Variants in SDF2 observed in about 807,000 individuals in gnomAD.
The protein encoded by SDF2 is stromal cell derived factor 2, also known as stromal cell-derived factor 2.
In SDF2, 12 loss-of-function variants were observed where a neutral mutation model predicts 20.5. That is an observed-to-expected ratio of 0.58 (90% CI 0.37 to 0.95). SDF2 has a LOEUF of 0.95. Among genes scored for constraint, SDF2 ranks in the 40% least tolerant of loss-of-function variants. The pLI is 0.01. For synonymous variants in SDF2, 100 were observed against 101.0 expected (o/e 0.99, Z 0.06); for missense variants, 238 against 263.1 (o/e 0.90, Z 0.66).
Position 28,649,050 on chromosome 17 carries a change from T to C in SDF2, c.575A>G (p.Glu192Gly). The change falls in exon 3 of 3, where the codon GAA becomes GGA. Residue 192 changes from glutamate to glycine, a missense_variant. By Grantham distance (98) the Glu-to-Gly change is moderately conservative (BLOSUM62 -2). Transcript: ENST00000247020. ...CTCACTGGGCTTCATGAAGATGCCTTCCATGGCTTTCCAGTAGTTGTTCTG... is the reference window on the plus strand; with the variant it reads ...CTCACTGGGCTTCATGAAGATGCCTCCCATGGCTTTCCAGTAGTTGTTCTG... ...PSQNNYWKAMEGIFMKPSELL... is the reference protein window; with the variant it reads ...PSQNNYWKAMGGIFMKPSELL... The C allele has an allele frequency of 6.2e-7, 1 of 1,614,254 alleles. No homozygotes were observed. The highest frequency in any genetic ancestry group is 8.5e-7 in the Non-Finnish European group (1 of 1,180,044).
chr17:28,648,914 G>C lies in SDF2; in HGVS notation c.*75C>G, dbSNP rs2071887799. The stretch of plus-strand genomic sequence containing the variant: ...ATGGCCACTGCCCAAGGAACTTGTG[G>C]CAGGGATCCCAAGGTGAGGCAGCAA... On this transcript the variant is annotated 3_prime_UTR_variant, in exon 3 of 3. Coordinates refer to ENST00000247020, the MANE Select transcript of SDF2 (RefSeq NM_006923.4). The C allele has an allele frequency of 6.7e-7, 1 of 1,484,694 alleles. No homozygotes were observed. Among genetic ancestry groups the C allele is most frequent in the Non-Finnish European group, 9.3e-7 (1 of 1,079,388 alleles). 92.0% of individuals were successfully genotyped at this position (1,484,694 alleles called of 1,614,324 possible). A position where few individuals can be genotyped will look rare whatever the true frequency, so the allele number is the denominator to read the frequency against.
At position 28,656,512 on chromosome 17, in the gene SDF2, C is replaced by T. The variant is rs146939830; in HGVS notation, c.152-1029G>A. ...CTGAGGTGGGAGAATCGCTTGAACC[C>T]GGGAGGTGGAGGTTGCAATGAGCCA... On this transcript the variant is annotated intron_variant, in intron 1 of 2. Transcript: ENST00000247020. Among the ~76,000 whole-genome samples, 975 of 151,968 alleles carry T rather than the reference C, an allele frequency of 6.4e-3. 9 individuals carry two copies. The highest frequency in any genetic ancestry group is 0.022 in the African/African-American group (917 of 41,440).
At chr17:28,655,621 G>C (rs2071955098) in intron 1 of SDF2, 138 bp from the exon 2 acceptor site, 3 of 741,178 alleles carry the variant, frequency 4.0e-6, no homozygotes, top group Non-Finnish European at 6.9e-6. Flanking sequence ...TGCTGGAGGT[G>C]TAATGGATAT....
At chr17:28,654,173 G>A (rs972618590) in intron 2 of SDF2, among the ~76,000 whole-genome samples, 3 of 152,038 alleles carry the variant, frequency 2.0e-5, no homozygotes, top group Admixed American at 2.0e-4. Flanking sequence ...AATTAGCCAG[G>A]CATGGTGGCG....
intron 2 of SDF2, among the ~76,000 whole-genome samples, chr17:28,654,120 AG>A (rs2071935833): frequency 6.6e-6 from 1 of 151,724 alleles, no homozygotes. Context: ...AGACCAGCCT[AG>A]GCAACATGGC....
At chr17:28,659,917 C>T (rs1266367901) in intron 1 of SDF2, among the ~76,000 whole-genome samples, 1 of 152,192 alleles carries the variant, frequency 6.6e-6, no homozygotes, top group Non-Finnish European at 1.5e-5. Flanking sequence ...TGTAGTGAGC[C>T]AAGATCACAC....
Position 28,655,216 on chromosome 17 carries a change from A to G in SDF2, c.348+71T>C, listed in dbSNP as rs569302778. 7.1e-6 allele frequency: 10 copies of G among 1,414,008 alleles called. No homozygotes were observed. The African/African-American group carries it at 8.5e-5, about 12-fold the overall frequency. The allele number at this position is 1,414,008 out of a possible 1,614,324, so 87.6% of individuals were successfully genotyped here. The stretch of plus-strand genomic sequence containing the variant: ...TCTACACCTAGAAAAGAAACATTTA[A>G]GAACCAAGAGATCAAACAAGCACCC... On this transcript the variant is annotated intron_variant, in intron 2 of 2. Transcript: ENST00000247020.
Position 28,649,101 on chromosome 17 carries a change from T to A in SDF2, c.524A>T (p.Glu175Val). 1 of 1,614,220 alleles carries A rather than the reference T, an allele frequency of 6.2e-7. No homozygotes were observed. The highest frequency in any genetic ancestry group is 8.5e-7 in the Non-Finnish European group (1 of 1,180,036). The change falls in exon 3 of 3, where the codon GAG (glutamate) becomes GTG (valine). Residue 175 changes from glutamate (E) to valine (V), a missense_variant. Glu to Val is a moderately radical substitution (Grantham distance 121). Coordinates refer to ENST00000247020, the MANE Select transcript of SDF2 (RefSeq NM_006923.4). The stretch of plus-strand genomic sequence containing the variant: ...ACTTGGCTGGGCCATGCCATGCACC[T>A]CTTTTTGCCCACTGATAGGTCGACC... The part of the protein sequence containing the change: ...QYGRPISGQK[E>V]VHGMAQPSQN...
chr17:28,653,766 C>G (rs578250196), intron 2 of SDF2, among the ~76,000 whole-genome samples: 1 of 151,870 alleles, frequency 6.6e-6, no homozygotes, highest in Non-Finnish European at 1.5e-5. Flanking sequence ...GAGCTGAGAT[C>G]GCGCCATAGC....
upstream of SDF2, chr17:28,662,128 A>C (rs924482978): frequency 2.5e-6 from 1 of 404,524 alleles, no homozygotes; most frequent in African/African-American, 2.0e-5. Context: ...ACGAGACGAA[A>C]GCTTCCGAGA....
chr17:28,661,906 C>G lies in SDF2; in HGVS notation c.-30G>C, dbSNP rs1302236592. On this transcript the variant is annotated 5_prime_UTR_variant, in exon 1 of 3. Coordinates refer to ENST00000247020, the MANE Select transcript of SDF2 (RefSeq NM_006923.4). ...ACTGTATCGCGGAGCCCCAAATCTT[C>G]GAAGAAAACTCGGCCCCTCCCCGGA... 1.3e-6 allele frequency: 2 copies of G among 1,581,064 alleles called. No homozygotes were observed. Among genetic ancestry groups the G allele is most frequent in the Non-Finnish European group, 1.7e-6 (2 of 1,155,642 alleles).
At chr17:28,652,167 G>A (rs541404758) in intron 2 of SDF2, among the ~76,000 whole-genome samples, 2 of 150,556 alleles carry the variant, frequency 1.3e-5, no homozygotes, top group African/African-American at 4.9e-5. Context: ...GAATAACACA[G>A]CAAGAACCCA....
chr17:28,661,173 A>C (rs772391036), intron 1 of SDF2: 8 of 455,198 alleles, frequency 1.8e-5, no homozygotes, highest in Non-Finnish European at 3.5e-5. Flanking sequence ...TTTGGGTAGA[A>C]GGGGGCCAAA....
chr17:28,655,266 A>C, intron 2 of SDF2, 21 bp downstream of exon 2: 1 of 1,611,668 alleles, frequency 6.2e-7, no homozygotes, highest in Non-Finnish European at 8.5e-7. Context: ...AGCAGCAACA[A>C]TCCATCGAAA....
At chr17:28,651,036 C>T (rs969731298) in intron 2 of SDF2, among the ~76,000 whole-genome samples, 1 of 152,048 alleles carries the variant, frequency 6.6e-6, no homozygotes, top group East Asian at 1.9e-4. Context: ...TTTTAGGGTG[C>T]TGGGATTACA....
chr17:28,650,803 CAAAAAAAAAAAAA>C (rs57928087), intron 2 of SDF2, among the ~76,000 whole-genome samples: 2 of 19,074 alleles, frequency 1.0e-4, no homozygotes, highest in Admixed American at 6.0e-4. Flanking sequence ...GACTTTGTCT[CAAAAAAAAAAAAA>C]AAAAAAAAAA....
At position 28,661,765 on chromosome 17, in the gene SDF2, T is replaced by C. The variant is rs556590487; in HGVS notation, c.112A>G (p.Asn38Asp). Residue 38 changes from asparagine (N) to aspartate (D), a missense_variant, in exon 1 of 3, where the codon AAC (asparagine) becomes GAC (aspartate). Asn to Asp is a conservative substitution (Grantham distance 23, BLOSUM62 1). Transcript: ENST00000247020. The stretch of plus-strand genomic sequence containing the variant: ...ACGTCGTGTGAGTGCAGTCGGACGT[T>C]GTGGCGCGTATTGAGTAGCTTCACC... ...SVVKLLNTRHNVRLHSHDVRY... is the reference protein window; with the variant it reads ...SVVKLLNTRHDVRLHSHDVRY... 2.5e-6 allele frequency: 4 copies of C among 1,614,116 alleles called. No homozygotes were observed. In the African/African-American group the frequency reaches 5.3e-5, roughly 22 times the overall value.
At chr17:28,659,139 C>T (rs1408710561) in intron 1 of SDF2, among the ~76,000 whole-genome samples, 68 of 135,382 alleles carry the variant, frequency 5.0e-4, no homozygotes, top group Non-Finnish European at 7.2e-4. Context: ...AATGGGCGGC[C>T]GGGCAGAGGC....
chr17:28,660,699 A>T (rs746302633), intron 1 of SDF2: 3 of 153,308 alleles, frequency 2.0e-5, no homozygotes, highest in Non-Finnish European at 4.4e-5. Context: ...CGCAGTGATG[A>T]TAACTCATGT....
Sources: allele counts gnomAD v4.1 joint callset (sites outside exome capture counted in the v4.1 genomes callset), GRCh38; gene constraint gnomAD v4.1.1; transcripts MANE v1.5; gene names NCBI Gene and HGNC (gene_info 2026-07-23, HGNC 2026-07-21).